USF3: variants seen among roughly 807,000 people sequenced by gnomAD.
USF3 encodes the protein basic helix-loop-helix domain-containing protein USF3.
In USF3, 29 loss-of-function variants were observed where a neutral mutation model predicts 157.5. The observed-to-expected ratio is 0.18, with a 90% CI of 0.14 to 0.25. The LOEUF (loss-of-function observed/expected upper bound fraction) is 0.25, where lower values mean the gene tolerates loss of function less well. Ranked by LOEUF, USF3 falls within the 10% of genes least tolerant of loss-of-function variation. The pLI is 1.00. For synonymous variants in USF3, 893 were observed against 941.4 expected (o/e 0.95, Z 0.94); for missense variants, 2,381 against 2,667.6 (o/e 0.89, Z 2.37).
chr3:113,656,475 G>A lies in USF3; in HGVS notation c.5207C>T (p.Thr1736Met), dbSNP rs1454817287. 7 of 1,614,018 alleles carry A rather than the reference G, an allele frequency of 4.3e-6. No homozygotes were observed. Among genetic ancestry groups the A allele is most frequent in the African/African-American group, 2.7e-5 (2 of 74,890 alleles). ...ASDIRLSDCQ[T>M]FKPSGASQQP... ...TTGACTAGCTCCACTTGGTTTAAAC[G>A]TCTGACAATCAGAAAGGCGGATATC... is the stretch of plus-strand genomic sequence containing the variant. The change falls in exon 7 of 7, where the codon ACG becomes ATG. Residue 1736 changes from threonine to methionine, a missense_variant. By Grantham distance (81) the Thr-to-Met change is moderately conservative (BLOSUM62 -1). Around this residue, in one of 6 missense-constraint regions of USF3, gnomAD observed 770 missense variants for 824.2 expected, o/e 0.93. Transcript: ENST00000316407.
Position 113,657,954 on chromosome 3 carries a change from T to C in USF3, c.3728A>G (p.Asn1243Ser). Residue 1243 changes from asparagine (N) to serine (S), a missense_variant, in exon 7 of 7, where the codon AAT becomes AGT. Transcript: ENST00000316407. Reference protein sequence around the residue: ...PPSITSLSVNNLIHQSSISHP... With the variant: ...PPSITSLSVNSLIHQSSISHP... ...GCTGATGCTGCTCTGATGGATAAGATTATTCACACTTAAACTGGTGATGCT... is the reference window on the plus strand; with the variant it reads ...GCTGATGCTGCTCTGATGGATAAGACTATTCACACTTAAACTGGTGATGCT... 1 of 1,614,210 alleles carries C rather than the reference T, an allele frequency of 6.2e-7. No homozygotes were observed. Among genetic ancestry groups the C allele is most frequent in the Non-Finnish European group, 8.5e-7 (1 of 1,180,036 alleles).
Position 113,655,328 on chromosome 3 carries a change from A to C in USF3, c.6354T>G (p.His2118Gln), listed in dbSNP as rs758803696. The change falls in exon 7 of 7, where the codon CAT becomes CAG. Residue 2118 changes from histidine (H) to glutamine (Q), a missense_variant. Transcript: ENST00000316407. ...PSFYPPYSPA[H>Q]PTLSNDISIP... The stretch of plus-strand genomic sequence containing the variant: ...TTGAAATATCATTGGACAGTGTAGG[A>C]TGAGCAGGAGAGTATGGAGGATAGA... 6.2e-7 allele frequency: 1 copy of C among 1,614,148 alleles called. No homozygotes were observed. Among genetic ancestry groups the C allele is most frequent in the South Asian group, 1.1e-5 (1 of 91,086 alleles).
At position 113,659,894 on chromosome 3, in the gene USF3, A is replaced by T. The variant is rs1241115688; in HGVS notation, c.1788T>A (p.Ala596=). The T allele has an allele frequency of 8.1e-6, 13 of 1,614,222 alleles. No homozygotes were observed. In the Middle Eastern group the frequency reaches 8.2e-4, roughly 102 times the overall value. Residue 596 remains alanine, a synonymous_variant, in exon 7 of 7, where the codon GCT becomes GCA. Coordinates refer to ENST00000316407, the MANE Select transcript of USF3 (RefSeq NM_001009899.4). Reference sequence around the variant, plus strand: ...GGAGTCGAACAGAACCAGGAGGTGGAGCAGGGAGGAGTGGCAAAGGATTCT... The same window carrying T: ...GGAGTCGAACAGAACCAGGAGGTGGTGCAGGGAGGAGTGGCAAAGGATTCT... The part of the protein sequence containing the change: ...ANQNPLPLLP[A]PPPGSVRLPI...
chr3:113,655,364 A>C lies in USF3; in HGVS notation c.6318T>G (p.Thr2106=). The C allele has an allele frequency of 1.2e-6, 2 of 1,614,062 alleles. No individual in the cohort carries two copies. The highest frequency in any genetic ancestry group is 1.7e-6 in the Non-Finnish European group (2 of 1,179,954). Residue 2106 remains threonine (T), a synonymous_variant, in exon 7 of 7, where the codon ACT becomes ACG. Transcript: ENST00000316407. ...AGTATGGAGGATAGAAGGAGGGCAG[A>C]GTATTTTGCGGATCTACCGGGATGA... The part of the protein sequence containing the change: ...PALIPVDPQN[T]LPSFYPPYSP...
Position 113,655,968 on chromosome 3 carries a change from T to C in USF3, c.5714A>G (p.Asp1905Gly). ...IPFSSSSSSG[D>G]IQGRNTSPNV... ...GGGGCTTGTGTTTCGACCTTGAATA[T>C]CTCCTGAGGAAGAGGAACTTGAAAA... Residue 1905 changes from aspartate (D) to glycine (G), a missense_variant, in exon 7 of 7, where the codon GAT (aspartate) becomes GGT (glycine). By Grantham distance (94) the Asp-to-Gly change is moderately conservative (BLOSUM62 -1). Transcript: ENST00000316407. 6.2e-7 allele frequency: 1 copy of C among 1,614,148 alleles called. No homozygotes were observed. Among genetic ancestry groups the C allele is most frequent in the South Asian group, 1.1e-5 (1 of 91,076 alleles).
intron 4 of USF3, among the ~76,000 whole-genome samples, chr3:113,671,135 T>C (rs960647109): frequency 1.2e-4 from 18 of 152,238 alleles, no homozygotes; most frequent in African/African-American, 4.3e-4. Context: ...TAGGCCATCA[T>C]TCTATTACAG....
chr3:113,664,527 A>G (rs141353133), intron 5 of USF3, 118 bp from the exon 6 acceptor site: 64 of 540,030 alleles, frequency 1.2e-4, no homozygotes, highest in African/African-American at 1.1e-3. Context: ...CAAAATTTAA[A>G]ACAGGCACTA....
In USF3 at chr3:113,655,515, T is replaced by C. The variant is rs1189280620; in HGVS notation, c.6167A>G (p.Gln2056Arg). The C allele has an allele frequency of 6.2e-7, 1 of 1,614,040 alleles. No homozygotes were observed. Among genetic ancestry groups the C allele is most frequent in the Non-Finnish European group, 8.5e-7 (1 of 1,180,022 alleles). ...ACCAAAATTTTGTGATAGTGTATGC[T>C]GGTCAGGACCTGAATTATCATTAGG... ...QVPNDNSGPD[Q>R]HTLSQNFGFS... The change falls in exon 7 of 7, where the codon CAG becomes CGG. Residue 2056 changes from glutamine (Q) to arginine (R), a missense_variant. Coordinates refer to ENST00000316407, the MANE Select transcript of USF3 (RefSeq NM_001009899.4).
chr3:113,649,942 T>C lies in USF3; in HGVS notation c.*5002A>G. On this transcript the variant is annotated 3_prime_UTR_variant, in exon 7 of 7. Transcript: ENST00000316407. ...CCCTGGGGAAAGAAAAATGGTAATGTTCAGCCAAAAAGGCATCTTGAGAAG... is the reference window on the plus strand; with the variant it reads ...CCCTGGGGAAAGAAAAATGGTAATGCTCAGCCAAAAAGGCATCTTGAGAAG... The C allele has an allele frequency of 1.5e-6, 1 of 685,514 alleles. No homozygotes were observed. Among genetic ancestry groups the C allele is most frequent in the Non-Finnish European group, 2.6e-6 (1 of 378,780 alleles). The allele number at this position is 685,514 out of a possible 1,614,324, so 42.5% of individuals were successfully genotyped here. A position where few individuals can be genotyped will look rare whatever the true frequency, so the allele number is the denominator to read the frequency against.
rs1173258971 is a variant in USF3 at position 113,661,047 on chromosome 3, G to A, written c.635C>T (p.Thr212Ile). 4 of 1,614,192 alleles carry A rather than the reference G, an allele frequency of 2.5e-6. No individual in the cohort carries two copies. Among genetic ancestry groups the A allele is most frequent in the Non-Finnish European group, 3.4e-6 (4 of 1,180,028 alleles). Reference protein sequence around the residue: ...YPSENKPWHQTTVPALATNQP... With the variant: ...YPSENKPWHQITVPALATNQP... ...GTTGGTAGCCAATGCAGGAACTGTG[G>A]TCTGATGCCATGGCTTGTTTTCAGA... Residue 212 changes from threonine to isoleucine, a missense_variant, in exon 7 of 7, where the codon ACC becomes ATC. By Grantham distance (89) the Thr-to-Ile change is moderately conservative. This residue lies in a region of USF3 where 1,435 missense variants were observed against 1,550.9 expected (regional missense o/e 0.93). Coordinates refer to ENST00000316407, the MANE Select transcript of USF3 (RefSeq NM_001009899.4).
chr3:113,653,595 T>C lies in USF3; in HGVS notation c.*1349A>G. On this transcript the variant is annotated 3_prime_UTR_variant, in exon 7 of 7. Transcript: ENST00000316407. ...TCCAGCCTGGGCAACAGAGCCAGAC[T>C]CCATCTATTAAAAAAAAAAAAAAAA... 2 of 130,442 alleles carry C rather than the reference T, an allele frequency of 1.5e-5. No individual in the cohort carries two copies. Among genetic ancestry groups the C allele is most frequent in the South Asian group, 2.6e-4 (1 of 3,774 alleles). 8.1% of individuals were successfully genotyped at this position (130,442 alleles called of 1,614,324 possible).
chr3:113,672,914 G>C (rs552644986), intron 4 of USF3, among the ~76,000 whole-genome samples: 85 of 152,274 alleles, frequency 5.6e-4, no homozygotes, highest in Non-Finnish European at 9.3e-4. Flanking sequence ...CTATAATTGA[G>C]GACTCCAGAA....
chr3:113,683,785 C>T (rs1707489994), intron 1 of USF3, among the ~76,000 whole-genome samples: 1 of 152,082 alleles, frequency 6.6e-6, no homozygotes, highest in Non-Finnish European at 1.5e-5. Flanking sequence ...GCTTTTTAAC[C>T]TTCTGATGTT....
intron 1 of USF3, among the ~76,000 whole-genome samples, chr3:113,692,910 AC>A (rs1433582790): frequency 6.6e-6 from 1 of 152,248 alleles, no homozygotes; most frequent in African/African-American, 2.4e-5. Flanking sequence ...ATAAATGTAT[AC>A]CTTTACAGCA....
Position 113,657,263 on chromosome 3 carries a change from T to TTGCTGCTGTTGC in USF3, c.4418_4419insGCAACAGCAGCA (p.Gln1475_Gln1478dup). The TTGCTGCTGTTGC allele has an allele frequency of 2.5e-6, 4 of 1,582,170 alleles. No homozygotes were observed. On this transcript the variant is annotated inframe_insertion, in exon 7 of 7. Coordinates refer to ENST00000316407, the MANE Select transcript of USF3 (RefSeq NM_001009899.4). ...ACTGCCCTGCTTGTTGTTGTTGCTG[T>TTGCTGCTGTTGC]TGCTGCTGCTGCTGCTGCTGCTGCT...
chr3:113,691,985 A>G (rs1014848249), intron 1 of USF3, among the ~76,000 whole-genome samples: 1 of 152,250 alleles, frequency 6.6e-6, no homozygotes, highest in Middle Eastern at 3.4e-3. Flanking sequence ...TTTTCCATGG[A>G]CAGGGAGTGG....
chr3:113,687,247 A>ACACACACACACG (rs1559725123), intron 1 of USF3, among the ~76,000 whole-genome samples: 1 of 151,114 alleles, frequency 6.6e-6, no homozygotes, highest in Non-Finnish European at 1.5e-5. Flanking sequence ...ACACACACAC[A>ACACACACACACG]CACACACACA....
At position 113,660,114 on chromosome 3, in the gene USF3, A is replaced by G. The variant is rs764422273; in HGVS notation, c.1568T>C (p.Ile523Thr). The change falls in exon 7 of 7, where the codon ATC (isoleucine) becomes ACC (threonine). Residue 523 changes from isoleucine to threonine, a missense_variant. Ile to Thr is a moderately conservative substitution (Grantham distance 89). This residue lies in a region of USF3 where 1,435 missense variants were observed against 1,550.9 expected (regional missense o/e 0.93). Transcript: ENST00000316407. ...PQVKSQPPKNILPLNSAMQVI... is the reference protein window; with the variant it reads ...PQVKSQPPKNTLPLNSAMQVI... The stretch of plus-strand genomic sequence containing the variant: ...TTGCATTGCTGAATTCAGTGGAAGG[A>G]TATTTTTGGGAGGCTGAGATTTAAC... 2.3e-5 allele frequency: 37 copies of G among 1,614,032 alleles called. No homozygotes were observed. The South Asian group carries it at 4.0e-4, about 17-fold the overall frequency.
In USF3 at chr3:113,670,099, AAG is replaced by A; in HGVS notation, c.159+20_159+21del. 6.7e-7 allele frequency: 1 copy of A among 1,492,936 alleles called. No individual in the cohort carries two copies. Among genetic ancestry groups the A allele is most frequent in the Non-Finnish European group, 9.4e-7 (1 of 1,069,498 alleles). The allele number at this position is 1,492,936 out of a possible 1,614,324, so 92.5% of individuals were successfully genotyped here. A position where few individuals can be genotyped will look rare whatever the true frequency, so the allele number is the denominator to read the frequency against. On this transcript the variant is annotated intron_variant, in intron 5 of 6. Transcript: ENST00000316407. ...ATTGTCTGTTCATAAGTAATGAATGAAGATATGAGTAGACTTCTTACCTGCTT... is the reference window on the plus strand; with the variant it reads ...ATTGTCTGTTCATAAGTAATGAATGAATATGAGTAGACTTCTTACCTGCTT...
Sources: gnomAD v4.1 joint callset for allele counts (sites outside exome capture counted in the v4.1 genomes callset) on GRCh38, gnomAD v4.1.1 for gene constraint, gnomAD v4.1.1 regional missense constraint, MANE v1.5 for transcripts, NCBI Gene and HGNC (gene_info 2026-07-23, HGNC 2026-07-21) for gene names.